Variants in GREB1L observed in about 807,000 individuals in gnomAD.
GREB1L encodes GREB1-like protein.
Under a neutral mutation model 200.8 loss-of-function variants are expected in GREB1L, and 17 were observed. The ratio of observed to expected loss-of-function variants is 0.08; its 90% CI spans 0.06 to 0.13. The LOEUF (loss-of-function observed/expected upper bound fraction) is 0.13. Ranked by LOEUF, GREB1L falls within the 10% of genes least tolerant of loss-of-function variation. GREB1L has a pLI of 1.00. For missense variants in GREB1L, 1,657 were observed against 2,367.7 expected, an observed-to-expected ratio of 0.70 and a Z score of 6.23; for synonymous variants, 789 against 893.0, an observed-to-expected ratio of 0.88 and a Z score of 2.08.
At chr18:21,286,220 A>G (rs1169041051) in intron 1 of GREB1L, among the ~76,000 whole-genome samples, 2 of 152,194 alleles carry the variant, frequency 1.3e-5, no homozygotes, top group Non-Finnish European at 2.9e-5. Flanking sequence ...CTATCCTGAT[A>G]AGCTTATGCC....
intron 2 of GREB1L, among the ~76,000 whole-genome samples, chr18:21,372,835 C>T (rs1359193629): frequency 1.1e-4 from 17 of 152,224 alleles, no homozygotes; most frequent in Middle Eastern, 3.4e-3. Context: ...GCAGGAGAAT[C>T]GCTTGAACCT....
intron 1 of GREB1L, among the ~76,000 whole-genome samples, chr18:21,315,820 G>A (rs1158809473): frequency 6.6e-6 from 1 of 152,116 alleles, no homozygotes; most frequent in South Asian, 2.1e-4. Flanking sequence ...ATTCCCTGTT[G>A]GAATGTGGTG....
Position 21,490,088 on chromosome 18 carries a change from A to G in GREB1L, c.2767A>G (p.Thr923Ala). 6.4e-7 allele frequency: 1 copy of G among 1,551,858 alleles called. No homozygotes were observed. The highest frequency in any genetic ancestry group is 8.7e-7 in the Non-Finnish European group (1 of 1,147,018). The part of the protein sequence containing the change: ...QQYSEALMAL[T>A]TMASLRDHST... ...GTACTCTGAGGCCCTGATGGCTCTC[A>G]CCACCATGGCGTCACTCCGCGACCA... Residue 923 changes from threonine to alanine, a missense_variant, in exon 19 of 33, where the codon ACC becomes GCC. Physicochemically the swap from Thr to Ala is moderately conservative, Grantham distance 58. Coordinates refer to ENST00000424526, the MANE Select transcript of GREB1L (RefSeq NM_001142966.3).
At chr18:21,287,900 T>G (rs532165525) in intron 1 of GREB1L, among the ~76,000 whole-genome samples, 1 of 151,686 alleles carries the variant, frequency 6.6e-6, no homozygotes, top group Admixed American at 6.6e-5. Flanking sequence ...GTTCAAGTGA[T>G]TCTCTTGCCT....
intron 1 of GREB1L, among the ~76,000 whole-genome samples, chr18:21,338,057 C>T (rs2145117720): frequency 6.6e-6 from 1 of 152,282 alleles, no homozygotes; most frequent in Admixed American, 6.5e-5. Context: ...TACAAATAAG[C>T]ATCCCATTTA....
At chr18:21,474,025 C>T (rs189739346) in intron 16 of GREB1L, among the ~76,000 whole-genome samples, 20 of 152,338 alleles carry the variant, frequency 1.3e-4, no homozygotes, top group African/African-American at 4.6e-4. Flanking sequence ...CACTGGGTCC[C>T]TCCCACAACA....
At chr18:21,330,802 A>G (rs555957226) in intron 1 of GREB1L, among the ~76,000 whole-genome samples, 1 of 151,720 alleles carries the variant, frequency 6.6e-6, no homozygotes, top group South Asian at 2.1e-4. Context: ...TTTTTTTTGG[A>G]TGATAACATA....
chr18:21,438,738 C>G (rs1448778927), intron 7 of GREB1L, among the ~76,000 whole-genome samples: 2 of 151,048 alleles, frequency 1.3e-5, no homozygotes, highest in Non-Finnish European at 2.9e-5. Context: ...GCGGGCGGAT[C>G]ATGAGGTCAG....
chr18:21,502,641 A>G (rs1206936123), intron 23 of GREB1L, among the ~76,000 whole-genome samples: 1 of 152,054 alleles, frequency 6.6e-6, no homozygotes, highest in Non-Finnish European at 1.5e-5. Context: ...CTTCCCATCT[A>G]CATCTCCTTG....
In GREB1L at chr18:21,403,940, G is replaced by A; in HGVS notation, c.778G>A (p.Val260Met). 6.4e-7 allele frequency: 1 copy of A among 1,551,134 alleles called. No homozygotes were observed. The highest frequency in any genetic ancestry group is 8.7e-7 in the Non-Finnish European group (1 of 1,146,132). Residue 260 changes from valine (V) to methionine (M), a missense_variant, in exon 7 of 33, where the codon GTG becomes ATG. By Grantham distance (21) the Val-to-Met change is conservative (BLOSUM62 1). This residue lies in a region of GREB1L where 289 missense variants were observed against 345.1 expected (regional missense o/e 0.84). Transcript: ENST00000424526. ...GCCAAGCTCTTCAGTGTCGTCAACT[G>A]TGACCCCAGAAAATGGGACAACTAA... is the stretch of plus-strand genomic sequence containing the variant. ...IKPSSSVSST[V>M]TPENGTTNGY...
At chr18:21,326,917 T>G (rs2039031614) in intron 1 of GREB1L, among the ~76,000 whole-genome samples, 1 of 152,232 alleles carries the variant, frequency 6.6e-6, no homozygotes, top group African/African-American at 2.4e-5. Context: ...AGATGTCTGC[T>G]CTTCTTTTTT....
chr18:21,494,643 A>G (rs145143745), intron 19 of GREB1L, among the ~76,000 whole-genome samples: 60 of 152,256 alleles, frequency 3.9e-4, no homozygotes, highest in Non-Finnish European at 6.9e-4. Context: ...TGTATGTATT[A>G]CTTAACACCT....
chr18:21,298,341 T>A (rs951154271), intron 1 of GREB1L, among the ~76,000 whole-genome samples: 1 of 152,158 alleles, frequency 6.6e-6, no homozygotes, highest in African/African-American at 2.4e-5. Flanking sequence ...TCAACAAGTA[T>A]TTTTTTAGTT....
intron 2 of GREB1L, among the ~76,000 whole-genome samples, chr18:21,367,181 G>T (rs569469989): frequency 7.2e-5 from 11 of 152,080 alleles, no homozygotes; most frequent in Admixed American, 5.9e-4. Context: ...AACCTTAAAG[G>T]ATTCTCTTGA....
chr18:21,460,502 C>T (rs557565846), intron 15 of GREB1L, among the ~76,000 whole-genome samples: 1 of 152,258 alleles, frequency 6.6e-6, no homozygotes, highest in Admixed American at 6.5e-5. Flanking sequence ...TGCACCACCA[C>T]ACCTGGCTAA....
In GREB1L at chr18:21,484,971, C is replaced by T. The variant is rs2036073317; in HGVS notation, c.2557-649C>T. Among the ~76,000 whole-genome samples, 3 of 152,116 alleles carry T rather than the reference C, an allele frequency of 2.0e-5. No individual in the cohort carries two copies. The South Asian group carries it at 6.2e-4, about 32-fold the overall frequency. Reference sequence around the variant, plus strand: ...TGAACTCAAAAAGCTTATTTAATATCGTAGAGCTTCTGAGTTTAAGGATAA... The same window carrying T: ...TGAACTCAAAAAGCTTATTTAATATTGTAGAGCTTCTGAGTTTAAGGATAA... On this transcript the variant is annotated intron_variant, in intron 17 of 32. Coordinates refer to ENST00000424526, the MANE Select transcript of GREB1L (RefSeq NM_001142966.3).
chr18:21,412,051 CAAAAA>C (rs962603456), intron 7 of GREB1L, among the ~76,000 whole-genome samples: 78 of 30,488 alleles, frequency 2.6e-3, no homozygotes, highest in African/African-American at 8.2e-3. Context: ...GACTCCGTCT[CAAAAA>C]AAAAAAAAAA....
At chr18:21,311,335 A>G (rs1191779158) in intron 1 of GREB1L, among the ~76,000 whole-genome samples, 1 of 152,228 alleles carries the variant, frequency 6.6e-6, no homozygotes, top group Non-Finnish European at 1.5e-5. Context: ...GTGTTTTTGT[A>G]ACAGAGTCAG....
Position 21,500,053 on chromosome 18 carries a change from A to G in GREB1L, c.3716A>G (p.Tyr1239Cys), listed in dbSNP as rs1285736719. 2 of 1,551,626 alleles carry G rather than the reference A, an allele frequency of 1.3e-6. No homozygotes were observed. Among genetic ancestry groups the G allele is most frequent in the Admixed American group, 2.0e-5 (1 of 51,010 alleles). ...PPVVILSKAA[Y>C]SLLGSQKSGK... ...GTGGTGATCCTATCCAAAGCGGCCT[A>G]CAGTCTCCTGGGCTCCCAGAAGAGT... Residue 1239 changes from tyrosine to cysteine, a missense_variant, in exon 22 of 33, where the codon TAC becomes TGC. By Grantham distance (194) the Tyr-to-Cys change is radical. Transcript: ENST00000424526.
Sources: allele counts gnomAD v4.1 joint callset (sites outside exome capture counted in the v4.1 genomes callset), GRCh38; gene constraint gnomAD v4.1.1; regional missense constraint gnomAD v4.1.1; transcripts MANE v1.5; gene names NCBI Gene and HGNC (gene_info 2026-07-23, HGNC 2026-07-21).